Variants in SCAMP5 observed in about 807,000 individuals in gnomAD.
The protein encoded by SCAMP5 is secretory carrier-associated membrane protein 5.
A neutral mutation model predicts 28.3 loss-of-function variants in SCAMP5; 7 were observed. The ratio of observed to expected loss-of-function variants is 0.25; its 90% CI spans 0.14 to 0.46. The LOEUF (loss-of-function observed/expected upper bound fraction) is 0.46, where lower values mean the gene tolerates loss of function less well. SCAMP5 is among the 20% of genes least tolerant of loss of function. The pLI is 0.99. For synonymous variants in SCAMP5, 117 were observed against 116.4 expected, an observed-to-expected ratio of 1.00 and a Z score of -0.03; for missense variants, 192 against 312.5, an observed-to-expected ratio of 0.61 and a Z score of 2.91.
intron 3 of SCAMP5, among the ~76,000 whole-genome samples, chr15:75,015,452 A>G (rs191078779): frequency 0.025 from 3,207 of 128,282 alleles, 127 homozygotes; most frequent in African/African-American, 0.092. Flanking sequence ...GTGGGGACAG[A>G]GGGGGGGGGG....
At chr15:75,011,264 T>C (rs1350341507) in intron 1 of SCAMP5, among the ~76,000 whole-genome samples, 2 of 152,242 alleles carry the variant, frequency 1.3e-5, no homozygotes, top group South Asian at 2.1e-4. Flanking sequence ...CCAGATTAGA[T>C]CACCAGGACA....
intron 1 of SCAMP5, among the ~76,000 whole-genome samples, chr15:75,002,134 C>T (rs1416334985): frequency 6.6e-6 from 1 of 151,778 alleles, no homozygotes; most frequent in Non-Finnish European, 1.5e-5. Context: ...AATTGAATGC[C>T]TGTGAAAATA....
rs977771368 is a variant in SCAMP5 at position 75,020,248 on chromosome 15, A to T, written c.*1265A>T. The T allele has an allele frequency of 2.0e-5, 3 of 152,500 alleles. No homozygotes were observed. The highest frequency in any genetic ancestry group is 7.3e-5 in the African/African-American group (3 of 41,328). 9.4% of individuals were successfully genotyped at this position (152,500 alleles called of 1,614,324 possible). A position where few individuals can be genotyped will look rare whatever the true frequency, so the allele number is the denominator to read the frequency against. ...TTGGATCTGGTAGGACAGGGCTCAG[A>T]GGGCTAGGCACGGAGGGAAGGTCAG... On this transcript the variant is annotated 3_prime_UTR_variant, in exon 7 of 7. Coordinates refer to ENST00000425597, the MANE Select transcript of SCAMP5 (RefSeq NM_138967.4).
intron 1 of SCAMP5, among the ~76,000 whole-genome samples, chr15:75,003,222 C>T (rs183370661): frequency 1.3e-5 from 2 of 152,204 alleles, no homozygotes; most frequent in Non-Finnish European, 2.9e-5. Flanking sequence ...GGTGCCCAGC[C>T]TGCAAATTGG....
Position 75,011,859 on chromosome 15 carries a change from G to A in SCAMP5, c.7+13G>A, listed in dbSNP as rs535482057. On this transcript the variant is annotated intron_variant, in intron 2 of 6. Coordinates refer to ENST00000425597, the MANE Select transcript of SCAMP5 (RefSeq NM_138967.4). ...AACATCATGGCAGGTAAGGAGAGGG[G>A]CAGGCTGTGTGGGTAGGACATGACA... is the stretch of plus-strand genomic sequence containing the variant. 3.1e-6 allele frequency: 5 copies of A among 1,611,090 alleles called. No homozygotes were observed. The African/African-American group carries it at 5.3e-5, about 17-fold the overall frequency.
chr15:74,999,132 G>T (rs2065679146), intron 1 of SCAMP5, among the ~76,000 whole-genome samples: 1 of 152,110 alleles, frequency 6.6e-6, no homozygotes. Flanking sequence ...ATTGGCATGT[G>T]GCCACCTCTG....
chr15:75,016,023 G>T (rs1188887204), intron 3 of SCAMP5, among the ~76,000 whole-genome samples: 1 of 152,024 alleles, frequency 6.6e-6, no homozygotes, highest in Non-Finnish European at 1.5e-5. Flanking sequence ...TGGCACAATG[G>T]CTAGAAGAGA....
intron 1 of SCAMP5, among the ~76,000 whole-genome samples, chr15:75,010,655 T>C (rs1341635229): frequency 2.6e-5 from 4 of 152,076 alleles, no homozygotes; most frequent in African/African-American, 9.7e-5. Flanking sequence ...CTACAAAATA[T>C]TAAAAAATTA....
At position 75,012,742 on chromosome 15, in the gene SCAMP5, T is replaced by C. The variant is rs1485646951; in HGVS notation, c.73T>C (p.Phe25Leu). Residue 25 changes from phenylalanine (F) to leucine (L), a missense_variant, in exon 3 of 7, where the codon TTC (phenylalanine) becomes CTC (leucine). By Grantham distance (22) the Phe-to-Leu change is conservative. Transcript: ENST00000425597. ...IPLKPCFYQD[F>L]EADIPPQHVS... ...GCTGAAGCCATGTTTCTACCAAGAC[T>C]TCGAGGCAGATATTCCTCCCCAGCA... is the stretch of plus-strand genomic sequence containing the variant. 13 of 1,613,890 alleles carry C rather than the reference T, an allele frequency of 8.1e-6. No individual in the cohort carries two copies. The highest frequency in any genetic ancestry group is 1.1e-5 in the Non-Finnish European group (13 of 1,179,862).
chr15:74,997,547 C>T (rs1370081189), intron 1 of SCAMP5, among the ~76,000 whole-genome samples: 1 of 152,146 alleles, frequency 6.6e-6, no homozygotes, highest in Non-Finnish European at 1.5e-5. Flanking sequence ...TGCAGAGCAG[C>T]GATTTTTGGA....
At chr15:75,004,617 C>A (rs556790018) in intron 1 of SCAMP5, among the ~76,000 whole-genome samples, 1 of 152,174 alleles carries the variant, frequency 6.6e-6, no homozygotes, top group African/African-American at 2.4e-5. Flanking sequence ...GTAGTCCCAG[C>A]TACTCAGGAG....
intron 2 of SCAMP5, among the ~76,000 whole-genome samples, chr15:75,012,170 G>A (rs2065817633): frequency 6.6e-6 from 1 of 152,282 alleles, no homozygotes; most frequent in South Asian, 2.1e-4. Context: ...ATACTCTGAG[G>A]CCTTTTTTAT....
chr15:75,008,754 C>T (rs1370351853), intron 1 of SCAMP5, among the ~76,000 whole-genome samples: 4 of 152,042 alleles, frequency 2.6e-5, no homozygotes. Flanking sequence ...CTCCTGCCTT[C>T]GCCTCTGAAA....
In SCAMP5 at chr15:75,008,434, C is replaced by CT. The variant is rs75937887; in HGVS notation, c.-48-3346dup. ...TATGATTTACACTTTTTGTGCTCTG[C>CT]TTTTTTTTTTTTACTTAATATATCC... On this transcript the variant is annotated intron_variant, in intron 1 of 6. Coordinates refer to ENST00000425597, the MANE Select transcript of SCAMP5 (RefSeq NM_138967.4). Among the ~76,000 whole-genome samples, 182 of 138,386 alleles carry CT rather than the reference C, an allele frequency of 1.3e-3. No individual in the cohort carries two copies. The East Asian group carries it at 0.014, about 10-fold the overall frequency. 90.8% of individuals were successfully genotyped at this position (138,386 alleles called of 152,430 possible).
intron 1 of SCAMP5, chr15:75,007,873 A>G (rs1240553603): frequency 6.6e-6 from 1 of 151,948 alleles, no homozygotes; most frequent in African/African-American, 2.4e-5. Context: ...CCATGTTTGT[A>G]TTTTTTGTAG....
intron 3 of SCAMP5, chr15:75,013,085 C>T: frequency 2.1e-6 from 1 of 469,796 alleles, no homozygotes; most frequent in South Asian, 2.4e-5. Context: ...GACAGGGGTC[C>T]CTCTCTGCAG....
rs1198733602 is a variant in SCAMP5, at chr15:75,018,488, G to C, written c.466G>C (p.Val156Leu). 2.5e-6 allele frequency: 4 copies of C among 1,613,610 alleles called. No individual in the cohort carries two copies. Among genetic ancestry groups the C allele is most frequent in the African/African-American group, 1.3e-5 (1 of 74,916 alleles). ...GSAVVMLIPT[V>L]MFTVMAVFSF... ...GGCGGTGGTGATGCTAATTCCCACT[G>C]TCATGTTCACAGTGATGGCCGTCTT... is the stretch of plus-strand genomic sequence containing the variant. Residue 156 changes from valine (V) to leucine (L), a missense_variant, in exon 6 of 7, where the codon GTC becomes CTC. Coordinates refer to ENST00000425597, the MANE Select transcript of SCAMP5 (RefSeq NM_138967.4). The surrounding 1 kb of genome is among the most constrained non-coding windows in gnomAD (Gnocchi z 5.6).
At chr15:74,999,604 C>CA (rs1039071209) in intron 1 of SCAMP5, among the ~76,000 whole-genome samples, 1 of 151,592 alleles carries the variant, frequency 6.6e-6, no homozygotes, top group Non-Finnish European at 1.5e-5. Context: ...AAAACAAAAA[C>CA]AAAAACAAAA....
At chr15:75,002,800 T>C (rs959511217) in intron 1 of SCAMP5, among the ~76,000 whole-genome samples, 1 of 152,022 alleles carries the variant, frequency 6.6e-6, no homozygotes, top group Non-Finnish European at 1.5e-5. Flanking sequence ...AGTGCATTTA[T>C]ATATGATTTA....
Sources: allele counts gnomAD v4.1 joint callset (sites outside exome capture counted in the v4.1 genomes callset), GRCh38; gene constraint gnomAD v4.1.1; non-coding constraint Gnocchi (gnomAD v3.1); transcripts MANE v1.5; gene names NCBI Gene and HGNC (gene_info 2026-07-23, HGNC 2026-07-21).